Variants in FILIP1 observed in about 807,000 individuals in gnomAD.
The protein encoded by FILIP1 is filamin-A-interacting protein 1.
In FILIP1, 61 loss-of-function variants were observed where a neutral mutation model predicts 102.1. The ratio of observed to expected loss-of-function variants is 0.60; its 90% confidence interval spans 0.49 to 0.74. The LOEUF (loss-of-function observed/expected upper bound fraction) is 0.74. Among genes scored for constraint, FILIP1 ranks in the 30% least tolerant of loss-of-function variants. The pLI, the probability that FILIP1 is intolerant of heterozygous loss-of-function variation, is 0.00. For missense variants in FILIP1, 1,314 were observed against 1,441.2 expected (o/e 0.91, Z 1.43); for synonymous variants, 491 against 526.9 (o/e 0.93, Z 0.93).
chr6:75,456,597 G>A (rs1778835684), intron 1 of FILIP1, among the ~76,000 whole-genome samples: 1 of 132,222 alleles, frequency 7.6e-6, no homozygotes, highest in African/African-American at 2.9e-5. Context: ...ATCTTGCTCT[G>A]TTGCCAGGCT....
intron 1 of FILIP1, among the ~76,000 whole-genome samples, chr6:75,474,541 G>GTATGCAA (rs1779419759): frequency 6.6e-6 from 1 of 152,124 alleles, no homozygotes; most frequent in African/African-American, 2.4e-5. Context: ...CAAACAGAGG[G>GTATGCAA]ACCAAAAGAA....
At chr6:75,354,631 G>A (rs1011887358) in intron 3 of FILIP1, among the ~76,000 whole-genome samples, 4 of 150,818 alleles carry the variant, frequency 2.7e-5, no homozygotes, top group African/African-American at 9.8e-5. Context: ...TTCGCTCAAC[G>A]TGATTTTAAT....
At chr6:75,320,399 CA>C (rs1259313130) in intron 4 of FILIP1, among the ~76,000 whole-genome samples, 1 of 151,826 alleles carries the variant, frequency 6.6e-6, no homozygotes, top group Non-Finnish European at 1.5e-5. Flanking sequence ...TCTACAAAAA[CA>C]AAACAAAACA....
chr6:75,360,113 C>T (rs889476292), intron 3 of FILIP1, among the ~76,000 whole-genome samples: 7 of 152,190 alleles, frequency 4.6e-5, no homozygotes, highest in Admixed American at 3.3e-4. Context: ...ACAACAGGCT[C>T]TGGTAAGAGC....
At chr6:75,416,649 G>A (rs1470791871) in intron 1 of FILIP1, among the ~76,000 whole-genome samples, 3 of 151,382 alleles carry the variant, frequency 2.0e-5, no homozygotes, top group African/African-American at 7.3e-5. Context: ...ACCTGTTATG[G>A]CTCACAGTTA....
At chr6:75,309,100 T>C (rs1773091196) in intron 5 of FILIP1, among the ~76,000 whole-genome samples, 1 of 149,530 alleles carries the variant, frequency 6.7e-6, no homozygotes, top group Non-Finnish European at 1.5e-5. Context: ...TAAAACAACT[T>C]TGCTTGAAAC....
chr6:75,400,930 G>A (rs1019334621), intron 2 of FILIP1, among the ~76,000 whole-genome samples: 1 of 152,108 alleles, frequency 6.6e-6, no homozygotes, highest in Non-Finnish European at 1.5e-5. Flanking sequence ...CAAAGCATCT[G>A]TGGAAGACAA....
exon 7 of FILIP1, chr6:75,295,705 A>AT (rs1772649565): frequency 2.6e-6 from 1 of 381,672 alleles, no homozygotes; most frequent in Non-Finnish European, 4.6e-6. Context: ...CATAGATTGA[A>AT]TTGCTCTTGC....
intron 4 of FILIP1, among the ~76,000 whole-genome samples, chr6:75,329,063 T>C (rs1773975919): frequency 6.6e-6 from 1 of 152,244 alleles, no homozygotes; most frequent in Non-Finnish European, 1.5e-5. Context: ...ATTCCACAGA[T>C]ACTTGTTAAT....
chr6:75,380,263 C>T (rs534836483), intron 2 of FILIP1, among the ~76,000 whole-genome samples: 29 of 143,340 alleles, frequency 2.0e-4, no homozygotes, highest in African/African-American at 7.0e-4. Flanking sequence ...GGTAACTATA[C>T]TTAATTATAA....
intron 2 of FILIP1, among the ~76,000 whole-genome samples, chr6:75,411,775 A>G (rs997017839): frequency 6.6e-6 from 1 of 151,986 alleles, no homozygotes; most frequent in Non-Finnish European, 1.5e-5. Flanking sequence ...TCTGGTCTAG[A>G]TATCTGTTTT....
At chr6:75,446,582 A>G (rs1778448578) in intron 1 of FILIP1, among the ~76,000 whole-genome samples, 1 of 152,074 alleles carries the variant, frequency 6.6e-6, no homozygotes, top group South Asian at 2.1e-4. Flanking sequence ...CATTTCGTTT[A>G]CCTGGGTTCA....
At chr6:75,425,925 T>A (rs1219479495) in intron 1 of FILIP1, among the ~76,000 whole-genome samples, 1 of 152,056 alleles carries the variant, frequency 6.6e-6, no homozygotes, top group Non-Finnish European at 1.5e-5. Context: ...AAAACTACTT[T>A]ACTCTCAACT....
At chr6:75,337,176 T>A (rs1055924026) in intron 4 of FILIP1, among the ~76,000 whole-genome samples, 7 of 152,182 alleles carry the variant, frequency 4.6e-5, no homozygotes, top group African/African-American at 1.7e-4. Context: ...TGTAATATAG[T>A]GCATGTGGAA....
In FILIP1 at chr6:75,433,644, GTTTTGCTGTGCAGAAGCTC is replaced by G. The variant is rs761726294; in HGVS notation, c.-6-18685_-6-18667del. Among the ~76,000 whole-genome samples the G allele has an allele frequency of 4.1e-3, 627 of 152,222 alleles. 2 individuals carry two copies. The highest frequency in any genetic ancestry group is 5.8e-3 in the Non-Finnish European group (396 of 67,994). On this transcript the variant is annotated intron_variant, in intron 1 of 5. Coordinates refer to ENST00000237172, the MANE Select transcript of FILIP1 (RefSeq NM_015687.5). The stretch of plus-strand genomic sequence containing the variant: ...AGGTTGCCTGTTCACTCTGAGGATA[GTTTTGCTGTGCAGAAGCTC>G]TTTTGCTGTGCAGAAGCTCTTTAGT...
intron 2 of FILIP1, among the ~76,000 whole-genome samples, chr6:75,405,410 A>AAAC (rs1191618755): frequency 6.6e-6 from 1 of 152,200 alleles, no homozygotes; most frequent in Non-Finnish European, 1.5e-5. Context: ...ACAAACAAAC[A>AAAC]AACAAAAAAC....
chr6:75,433,238 T>C (rs532302908), intron 1 of FILIP1, among the ~76,000 whole-genome samples: 4 of 152,344 alleles, frequency 2.6e-5, no homozygotes, highest in African/African-American at 9.6e-5. Flanking sequence ...TTCTAGATCC[T>C]TGAGGAATTG....
At chr6:75,292,919 C>T (rs1294816829) in exon 7 of FILIP1, 1 of 152,158 alleles carries the variant, frequency 6.6e-6, no homozygotes, top group Non-Finnish European at 1.5e-5. Context: ...TGCAGTAGCG[C>T]TGTTGTCTCT....
intron 1 of FILIP1, among the ~76,000 whole-genome samples, chr6:75,448,971 C>G (rs1042627665): frequency 2.0e-5 from 3 of 152,164 alleles, no homozygotes; most frequent in African/African-American, 7.2e-5. Flanking sequence ...AATTCCACTA[C>G]TGGGTATCTA....
Sources: allele counts gnomAD v4.1 joint callset (sites outside exome capture counted in the v4.1 genomes callset), GRCh38; gene constraint gnomAD v4.1.1; transcripts MANE v1.5; gene names NCBI Gene and HGNC (gene_info 2026-07-23, HGNC 2026-07-21).